VWA8: variants seen among roughly 807,000 people sequenced by gnomAD.
VWA8 encodes von Willebrand factor A domain containing 8, also known as von Willebrand factor A domain-containing protein 8.
A neutral mutation model predicts 241.5 loss-of-function variants in VWA8; 221 were observed. The observed-to-expected ratio is 0.91, with a 90% confidence interval of 0.82 to 1.02. VWA8 has a LOEUF of 1.02. Among genes scored for constraint, VWA8 ranks in the 50% least tolerant of loss-of-function variants. The pLI, the probability that VWA8 is intolerant of heterozygous loss-of-function variation, is 0.00. For missense variants in VWA8, 2,322 were observed against 2,328.7 expected, an observed-to-expected ratio of 1.00 and a Z score of 0.06; for synonymous variants, 852 against 827.1, an observed-to-expected ratio of 1.03 and a Z score of -0.52.
chr13:41,802,997 G>A (rs557768005), intron 17 of VWA8, among the ~76,000 whole-genome samples: 1 of 152,372 alleles, frequency 6.6e-6, no homozygotes, highest in South Asian at 2.1e-4. Context: ...GGGAAAGTAA[G>A]TGAAGAGAGC....
chr13:41,811,209 G>A lies in VWA8; in HGVS notation c.2063+16C>T. On this transcript the variant is annotated intron_variant, in intron 17 of 44. Coordinates refer to ENST00000379310, the MANE Select transcript of VWA8 (RefSeq NM_015058.2). Reference sequence around the variant, plus strand: ...AGATCCAGAAACTTACACGCAGTGAGAAAGAATATGTTTACCTGGAAAGGC... The same window carrying A: ...AGATCCAGAAACTTACACGCAGTGAAAAAGAATATGTTTACCTGGAAAGGC... 6.3e-7 allele frequency: 1 copy of A among 1,587,278 alleles called. No individual in the cohort carries two copies. The highest frequency in any genetic ancestry group is 1.1e-5 in the South Asian group (1 of 89,718).
chr13:41,732,571 C>A (rs1292650807), intron 21 of VWA8, among the ~76,000 whole-genome samples: 1 of 151,674 alleles, frequency 6.6e-6, no homozygotes, highest in Non-Finnish European at 1.5e-5. Flanking sequence ...GGCATGCTGA[C>A]ATGGACAATT....
intron 26 of VWA8, among the ~76,000 whole-genome samples, chr13:41,714,774 T>C (rs143862151): frequency 1.2e-3 from 180 of 152,100 alleles, no homozygotes; most frequent in African/African-American, 4.1e-3. Flanking sequence ...ACTCTTCACT[T>C]TGAACTATGG....
At chr13:41,628,035 T>C (rs2044704205) in intron 37 of VWA8, among the ~76,000 whole-genome samples, 1 of 151,228 alleles carries the variant, frequency 6.6e-6, no homozygotes, top group Non-Finnish European at 1.5e-5. Context: ...CTTTTCTTCA[T>C]CCACTTGATT....
At chr13:41,694,011 A>C (rs1165268985) in intron 29 of VWA8, among the ~76,000 whole-genome samples, 1 of 152,004 alleles carries the variant, frequency 6.6e-6, no homozygotes, top group East Asian at 1.9e-4. Flanking sequence ...AAAGTCACAA[A>C]GCACATGAAG....
intron 18 of VWA8, 140 bp from the exon 19 acceptor site, chr13:41,784,041 G>GT (rs1869024742): frequency 1.6e-6 from 1 of 608,370 alleles, no homozygotes; most frequent in African/African-American, 1.9e-5. Context: ...CTGGAGAGTA[G>GT]TAATAAAACA....
chr13:41,762,836 C>T (rs2137908674), intron 20 of VWA8, among the ~76,000 whole-genome samples: 1 of 152,136 alleles, frequency 6.6e-6, no homozygotes, highest in East Asian at 1.9e-4. Context: ...AGCACAGTGC[C>T]TGAGAGTGCG....
intron 18 of VWA8, among the ~76,000 whole-genome samples, 188 bp from the exon 19 acceptor site, chr13:41,784,089 A>G (rs1489780643): frequency 1.3e-5 from 2 of 152,118 alleles, no homozygotes; most frequent in Admixed American, 6.5e-5. Context: ...AAAGGTAACA[A>G]ATTTTCTTTA....
Position 41,861,651 on chromosome 13 carries a change from T to C in VWA8, c.1425+4085A>G, listed in dbSNP as rs568662141. On this transcript the variant is annotated intron_variant, in intron 12 of 44. Transcript: ENST00000379310. ...AATAAGTAGCATTTGTATACACCAA[T>C]AACATCCAAACTGAAAGCCAAATCA... Among the ~76,000 whole-genome samples, 4 of 152,168 alleles carry C rather than the reference T, an allele frequency of 2.6e-5. No individual in the cohort carries two copies. In the South Asian group the frequency reaches 8.3e-4, roughly 32 times the overall value.
Position 41,833,414 on chromosome 13 carries a change from C to T in VWA8, c.1543G>A (p.Gly515Ser), listed in dbSNP as rs1871563017. 3 of 1,613,656 alleles carry T rather than the reference C, an allele frequency of 1.9e-6. No individual in the cohort carries two copies. The African/African-American group carries it at 4.0e-5, about 22-fold the overall frequency. ...GTGCCCGCATTCACCCGGTGAATGC[C>T]ATCCAGCAGGACCAGCTTGCCTTCC... ...ALEGKLVLLD[G>S]IHRVNAGTLA... The change falls in exon 13 of 45, where the codon GGC becomes AGC. Residue 515 changes from glycine to serine, a missense_variant. Transcript: ENST00000379310.
At chr13:41,885,798 A>T in intron 8 of VWA8, 122 bp downstream of exon 8, 1 of 683,884 alleles carries the variant, frequency 1.5e-6, no homozygotes, top group East Asian at 2.8e-5. Flanking sequence ...AATTAATCTC[A>T]GGCCTTACAA....
intron 2 of VWA8, among the ~76,000 whole-genome samples, chr13:41,941,181 T>G (rs1419615273): frequency 6.6e-6 from 1 of 152,214 alleles, no homozygotes; most frequent in African/African-American, 2.4e-5. Flanking sequence ...TCAAAGCCTA[T>G]GCTTTTAAAG....
chr13:41,594,741 C>G (rs1294010785), intron 40 of VWA8, among the ~76,000 whole-genome samples: 1 of 152,116 alleles, frequency 6.6e-6, no homozygotes, highest in Non-Finnish European at 1.5e-5. Flanking sequence ...GTTAAAATTC[C>G]TAACTATTAT....
At chr13:41,699,796 T>C (rs1204464780) in intron 28 of VWA8, among the ~76,000 whole-genome samples, 1 of 152,208 alleles carries the variant, frequency 6.6e-6, no homozygotes, top group African/African-American at 2.4e-5. Flanking sequence ...ATTTGAGTAT[T>C]TCTTACTATA....
At chr13:41,930,699 C>T (rs956586256) in intron 2 of VWA8, among the ~76,000 whole-genome samples, 7 of 152,258 alleles carry the variant, frequency 4.6e-5, no homozygotes, top group South Asian at 2.1e-4. Flanking sequence ...CTTCAGGCTA[C>T]GTGTATAAGA....
chr13:41,864,151 A>AG, intron 12 of VWA8, among the ~76,000 whole-genome samples: 1 of 151,914 alleles, frequency 6.6e-6, no homozygotes, highest in Non-Finnish European at 1.5e-5. Context: ...TAAAAAAAAA[A>AG]AAAAAAAAGA....
chr13:41,613,226 T>G (rs1309007148), intron 38 of VWA8, among the ~76,000 whole-genome samples: 1 of 152,194 alleles, frequency 6.6e-6, no homozygotes, highest in African/African-American at 2.4e-5. Context: ...GGTCATTTCC[T>G]TTTGGGAAAT....
intron 37 of VWA8, among the ~76,000 whole-genome samples, chr13:41,636,061 A>T (rs1369907898): frequency 6.6e-6 from 1 of 152,296 alleles, no homozygotes; most frequent in Admixed American, 6.5e-5. Flanking sequence ...GAGCACACAA[A>T]GATTTATGTG....
intron 12 of VWA8, among the ~76,000 whole-genome samples, chr13:41,863,586 C>T (rs1200819984): frequency 6.6e-6 from 1 of 151,426 alleles, no homozygotes; most frequent in Admixed American, 6.6e-5. Context: ...TGCCCACCAA[C>T]AGTGGACTAG....
Sources: allele counts gnomAD v4.1 joint callset (sites outside exome capture counted in the v4.1 genomes callset), GRCh38; gene constraint gnomAD v4.1.1; transcripts MANE v1.5; gene names NCBI Gene and HGNC (gene_info 2026-07-23, HGNC 2026-07-21).